SCHIP1: variants seen among roughly 807,000 people sequenced by gnomAD.
SCHIP1 encodes schwannomin interacting protein 1, also known as schwannomin-interacting protein 1.
Under a neutral mutation model 29.7 loss-of-function variants are expected in SCHIP1, and 8 were observed. The ratio of observed to expected loss-of-function variants is 0.27; its 90% CI spans 0.16 to 0.49. SCHIP1 has a LOEUF of 0.49. SCHIP1 is among the 20% of genes least tolerant of loss of function. SCHIP1 has a pLI of 0.99. For synonymous variants in SCHIP1, 76 were observed against 94.9 expected (o/e 0.80, Z 1.16); for missense variants, 193 against 294.6 (o/e 0.66, Z 2.52).
chr3:159,669,210 C>G, the SCHIP1 span, among the ~76,000 whole-genome samples: 1 of 152,094 alleles, frequency 6.6e-6, no homozygotes, highest in South Asian at 2.1e-4. Context: ...GTACGTAAAG[C>G]AAAGGAGAGG....
At chr3:159,708,583 A>G in the SCHIP1 span, among the ~76,000 whole-genome samples, 2 of 152,244 alleles carry the variant, frequency 1.3e-5, no homozygotes, top group African/African-American at 2.4e-5. Context: ...GAATCACTCC[A>G]TCAATGAGGA....
the SCHIP1 span, among the ~76,000 whole-genome samples, chr3:159,357,729 T>C: frequency 1.3e-5 from 2 of 152,216 alleles, no homozygotes; most frequent in Admixed American, 1.3e-4. Context: ...ATAGTACTTA[T>C]TTATTTATTG....
At chr3:159,452,291 T>C in the SCHIP1 span, among the ~76,000 whole-genome samples, 1 of 152,104 alleles carries the variant, frequency 6.6e-6, no homozygotes, top group Non-Finnish European at 1.5e-5. Flanking sequence ...TAATGCTATC[T>C]CTCCCCTTGT....
At chr3:159,582,735 A>G in the SCHIP1 span, among the ~76,000 whole-genome samples, 89 of 151,518 alleles carry the variant, frequency 5.9e-4, no homozygotes, top group Admixed American at 2.6e-3. Flanking sequence ...ACCAAACTCA[A>G]TATCTCTGAG....
At chr3:159,435,952 G>C in the SCHIP1 span, among the ~76,000 whole-genome samples, 10 of 152,110 alleles carry the variant, frequency 6.6e-5, no homozygotes, top group African/African-American at 2.4e-4. Context: ...AGACAGCCAG[G>C]CCAAAGGGAA....
the SCHIP1 span, among the ~76,000 whole-genome samples, chr3:159,510,518 C>A: frequency 2.0e-5 from 3 of 152,208 alleles, no homozygotes; most frequent in African/African-American, 7.2e-5. Context: ...TAAGGAGCTG[C>A]GTTCCTTTGG....
At chr3:159,752,449 A>G in the SCHIP1 span, among the ~76,000 whole-genome samples, 1 of 152,154 alleles carries the variant, frequency 6.6e-6, no homozygotes, top group South Asian at 2.1e-4. Flanking sequence ...ATTGCTATAA[A>G]GAAATACTGG....
chr3:159,410,496 A>G, the SCHIP1 span, among the ~76,000 whole-genome samples: 182 of 152,318 alleles, frequency 1.2e-3, 1 homozygote, highest in Admixed American at 9.6e-3. Context: ...TCAAGAGAAG[A>G]CATACAAATG....
the SCHIP1 span, among the ~76,000 whole-genome samples, chr3:159,685,681 C>T: frequency 6.6e-6 from 1 of 152,174 alleles, no homozygotes; most frequent in African/African-American, 2.4e-5. Flanking sequence ...CAGTTTCCTT[C>T]TTCCTTTTCT....
the SCHIP1 span, among the ~76,000 whole-genome samples, chr3:159,672,422 C>A: frequency 6.6e-6 from 1 of 152,218 alleles, no homozygotes; most frequent in Admixed American, 6.5e-5. Context: ...GCTATTTACA[C>A]CATCCACATG....
At chr3:159,440,757 T>C in the SCHIP1 span, among the ~76,000 whole-genome samples, 1 of 152,184 alleles carries the variant, frequency 6.6e-6, no homozygotes, top group Non-Finnish European at 1.5e-5. Flanking sequence ...GACACACTGG[T>C]AAACCAACCT....
the SCHIP1 span, among the ~76,000 whole-genome samples, chr3:159,797,149 A>G: frequency 6.6e-6 from 1 of 152,202 alleles, no homozygotes. Context: ...TCTAAAGCAT[A>G]CTATTTATAA....
the SCHIP1 span, among the ~76,000 whole-genome samples, chr3:159,577,904 A>C: frequency 2.6e-5 from 4 of 152,320 alleles, no homozygotes; most frequent in East Asian, 5.8e-4. Context: ...AGGTGATTGA[A>C]ACAAAATATT....
At chr3:159,461,211 C>G in the SCHIP1 span, among the ~76,000 whole-genome samples, 1 of 152,180 alleles carries the variant, frequency 6.6e-6, no homozygotes, top group Admixed American at 6.5e-5. Context: ...CAACTATCCT[C>G]TCTGCATACC....
At chr3:159,812,894 G>A in the SCHIP1 span, among the ~76,000 whole-genome samples, 9 of 152,204 alleles carry the variant, frequency 5.9e-5, no homozygotes, top group East Asian at 1.7e-3. Context: ...CATCTTCTCA[G>A]CTTCAGGTGA....
the SCHIP1 span, among the ~76,000 whole-genome samples, chr3:159,816,145 C>T: frequency 4.6e-5 from 7 of 152,166 alleles, no homozygotes; most frequent in Admixed American, 3.3e-4. Flanking sequence ...GACAGGATTT[C>T]ATCATGTCGG....
At chr3:159,629,728 T>C in the SCHIP1 span, among the ~76,000 whole-genome samples, 4 of 152,236 alleles carry the variant, frequency 2.6e-5, no homozygotes, top group Non-Finnish European at 5.9e-5. Context: ...GCCTCATTTA[T>C]GTTTATAAAC....
chr3:159,281,102 T>C, the SCHIP1 span, among the ~76,000 whole-genome samples: 3 of 142,538 alleles, frequency 2.1e-5, no homozygotes, highest in Non-Finnish European at 3.2e-5. Flanking sequence ...TCTTTCACAA[T>C]CTCCCACATC....
the SCHIP1 span, among the ~76,000 whole-genome samples, chr3:159,734,452 T>C: frequency 6.6e-6 from 1 of 152,066 alleles, no homozygotes; most frequent in Non-Finnish European, 1.5e-5. Flanking sequence ...TACTGTTATC[T>C]TTTATAAGAT....
Sources: gnomAD v4.1 joint callset for allele counts (sites outside exome capture counted in the v4.1 genomes callset) on GRCh38, gnomAD v4.1.1 for gene constraint, MANE v1.5 for transcripts, NCBI Gene and HGNC (gene_info 2026-07-23, HGNC 2026-07-21) for gene names.